Variants in STRBP observed in about 807,000 individuals in gnomAD.
STRBP encodes spermatid perinuclear RNA-binding protein.
Under a neutral mutation model 80.1 loss-of-function variants are expected in STRBP, and 13 were observed. The observed-to-expected ratio is 0.16, with a 90% confidence interval of 0.11 to 0.26. The LOEUF is 0.26. Ranked by LOEUF, STRBP falls within the 10% of genes least tolerant of loss-of-function variation. The pLI is 1.00. For missense variants in STRBP, 485 were observed against 815.2 expected, an observed-to-expected ratio of 0.59 and a Z score of 4.93; for synonymous variants, 284 against 291.2, an observed-to-expected ratio of 0.98 and a Z score of 0.25.
chr9:123,189,721 A>G (rs2038850697), intron 2 of STRBP, among the ~76,000 whole-genome samples: 1 of 151,786 alleles, frequency 6.6e-6, no homozygotes, highest in Admixed American at 6.6e-5. Flanking sequence ...TGGGGGAGGG[A>G]TAGCATTAGG....
chr9:123,208,755 T>G lies in STRBP; in HGVS notation c.-164-24457A>C, dbSNP rs1387904575. Among the ~76,000 whole-genome samples the G allele has an allele frequency of 2.0e-5, 3 of 152,204 alleles. No homozygotes were observed. The East Asian group carries it at 5.8e-4, about 29-fold the overall frequency. On this transcript the variant is annotated intron_variant, in intron 2 of 18. Transcript: ENST00000348403. ...TCCCCTAGCCACATACTTCTAGTAT[T>G]TGTTCCACTGCCAATCCTGTGGCAG...
intron 1 of STRBP, among the ~76,000 whole-genome samples, chr9:123,266,440 A>C (rs2041268185): frequency 3.4e-5 from 5 of 146,922 alleles, no homozygotes; most frequent in East Asian, 2.0e-4. Flanking sequence ...AGGTCCCCCC[A>C]CCCCTCAATC....
downstream of STRBP, among the ~76,000 whole-genome samples, chr9:123,119,397 G>A (rs947537105): frequency 2.7e-5 from 3 of 111,804 alleles, no homozygotes; most frequent in African/African-American, 1.1e-4. Flanking sequence ...CCCGCCCCCC[G>A]CCAAAAAACA....
intron 2 of STRBP, among the ~76,000 whole-genome samples, chr9:123,233,253 T>C (rs1328109647): frequency 6.6e-6 from 1 of 152,062 alleles, no homozygotes; most frequent in Non-Finnish European, 1.5e-5. Flanking sequence ...CTTTATTTTT[T>C]TAGAGATGGG....
At chr9:123,178,977 A>G (rs138491081) in intron 4 of STRBP, 30 bp downstream of exon 4, 1 of 1,608,150 alleles carries the variant, frequency 6.2e-7, no homozygotes, top group Non-Finnish European at 8.5e-7. Context: ...GCACTCTAGC[A>G]CAGCGTCCCA....
Position 123,158,288 on chromosome 9 carries a change from T to C in STRBP, c.933+44A>G, listed in dbSNP as rs368602323. ...GAACACAATTGAGAAAATTAAGTTA[T>C]GTTATTTCACTAATAAGTCAGAGTG... On this transcript the variant is annotated intron_variant, in intron 10 of 18. Transcript: ENST00000348403. 2.2e-4 allele frequency: 347 copies of C among 1,595,428 alleles called. No homozygotes were observed. Among genetic ancestry groups the C allele is most frequent in the Non-Finnish European group, 2.9e-4 (334 of 1,163,934 alleles).
chr9:123,192,010 C>T (rs1271963107), intron 2 of STRBP, among the ~76,000 whole-genome samples: 3 of 152,188 alleles, frequency 2.0e-5, no homozygotes, highest in East Asian at 1.9e-4. Context: ...CACAGCATTT[C>T]GAATAGATTG....
At position 123,168,315 on chromosome 9, in the gene STRBP, C is replaced by T. The variant is rs756853442; in HGVS notation, c.535+1587G>A. Reference sequence around the variant, plus strand: ...TTCTTCAGAGGTGCTATAGATACTACATACAGCAAAAAAATTTTAATGCAT... The same window carrying T: ...TTCTTCAGAGGTGCTATAGATACTATATACAGCAAAAAAATTTTAATGCAT... On this transcript the variant is annotated intron_variant, in intron 6 of 18. Transcript: ENST00000348403. 1,536 of 713,888 alleles carry T rather than the reference C, an allele frequency of 2.2e-3. 2 individuals carry two copies. Among genetic ancestry groups the T allele is most frequent in the Non-Finnish European group, 2.5e-3 (1,477 of 582,280 alleles). The allele number at this position is 713,888 out of a possible 1,614,324, so 44.2% of individuals were successfully genotyped here.
At position 123,122,993 on chromosome 9, in the gene STRBP, A is replaced by G. The variant is rs1290486120; in HGVS notation, c.*2604T>C. 4 of 985,344 alleles carry G rather than the reference A, an allele frequency of 4.1e-6. No individual in the cohort carries two copies. Among genetic ancestry groups the G allele is most frequent in the African/African-American group, 3.5e-5 (2 of 57,240 alleles). The allele number at this position is 985,344 out of a possible 1,614,324, so 61.0% of individuals were successfully genotyped here. The stretch of plus-strand genomic sequence containing the variant: ...AGTATTGCTCTTCTTTAAAATGATC[A>G]GTCATTGCTTTCAAAAAGAGGGTGT... On this transcript the variant is annotated 3_prime_UTR_variant, in exon 19 of 19. Coordinates refer to ENST00000348403, the MANE Select transcript of STRBP (RefSeq NM_018387.5).
chr9:123,109,518 GTT>G (rs975041824), downstream of STRBP: 2 of 152,266 alleles, frequency 1.3e-5, no homozygotes, highest in African/African-American at 4.8e-5. Context: ...GCATTTGTTT[GTT>G]TTTATTTATC....
At chr9:123,174,375 C>G (rs1425151038) in intron 4 of STRBP, among the ~76,000 whole-genome samples, 1 of 152,212 alleles carries the variant, frequency 6.6e-6, no homozygotes, top group East Asian at 1.9e-4. Context: ...GAGGTTGAGG[C>G]TGCACTGAAC....
At chr9:123,181,939 G>A (rs2038483013) in intron 3 of STRBP, among the ~76,000 whole-genome samples, 1 of 151,260 alleles carries the variant, frequency 6.6e-6, no homozygotes, top group Admixed American at 6.6e-5. Flanking sequence ...AATCAGACTG[G>A]GCACAGTGGC....
chr9:123,146,730 A>G (rs937207609), intron 13 of STRBP, 125 bp downstream of exon 13: 2 of 836,104 alleles, frequency 2.4e-6, no homozygotes, highest in Non-Finnish European at 3.4e-6. Flanking sequence ...AGAAGTAACA[A>G]AAGTCTATAT....
Position 123,146,945 on chromosome 9 carries a change from T to C in STRBP, c.1248A>G (p.Pro416=). The change falls in exon 13 of 19, where the codon CCA becomes CCG. Residue 416 remains proline (P), a synonymous_variant. Coordinates refer to ENST00000348403, the MANE Select transcript of STRBP (RefSeq NM_018387.5). The part of the protein sequence containing the change: ...LLSQSGPVHA[P]VFTMSVDVDG... The stretch of plus-strand genomic sequence containing the variant: ...CCACATCTACAGACATTGTGAAGAC[T>C]GGGGCATGAACGGGGCCAGACTGAG... 1.2e-6 allele frequency: 2 copies of C among 1,614,114 alleles called. No individual in the cohort carries two copies. The highest frequency in any genetic ancestry group is 3.3e-4 in the Middle Eastern group (2 of 6,060).
downstream of STRBP, among the ~76,000 whole-genome samples, chr9:123,118,245 A>G (rs1394352711): frequency 1.3e-5 from 2 of 152,172 alleles, no homozygotes; most frequent in Admixed American, 6.5e-5. Flanking sequence ...CACACAAGAT[A>G]CAAATGTTGG....
At chr9:123,259,215 A>G (rs1487372666) in intron 1 of STRBP, among the ~76,000 whole-genome samples, 1 of 152,228 alleles carries the variant, frequency 6.6e-6, no homozygotes, top group African/African-American at 2.4e-5. Context: ...ATGGGTGAGA[A>G]GAGTCAAGAA....
intron 2 of STRBP, among the ~76,000 whole-genome samples, chr9:123,231,102 C>A (rs1475959901): frequency 6.6e-6 from 1 of 152,126 alleles, no homozygotes; most frequent in African/African-American, 2.4e-5. Context: ...TACCCTCACA[C>A]CCCTAGAGGT....
intron 16 of STRBP, among the ~76,000 whole-genome samples, chr9:123,133,197 C>A (rs952190915): frequency 2.6e-5 from 4 of 152,112 alleles, no homozygotes; most frequent in African/African-American, 9.7e-5. Context: ...GAGGGTTATC[C>A]AGAAAGAGTT....
intron 2 of STRBP, among the ~76,000 whole-genome samples, chr9:123,200,500 C>G (rs1310838375): frequency 6.6e-6 from 1 of 151,316 alleles, no homozygotes; most frequent in Non-Finnish European, 1.5e-5. Context: ...TACCAAGTCT[C>G]TGAATGTCTG....
Sources: allele counts gnomAD v4.1 joint callset (sites outside exome capture counted in the v4.1 genomes callset), GRCh38; gene constraint gnomAD v4.1.1; transcripts MANE v1.5; gene names NCBI Gene and HGNC (gene_info 2026-07-23, HGNC 2026-07-21).